SPECC1L: variants seen among roughly 807,000 people sequenced by gnomAD.
SPECC1L encodes cytospin-A.
Under a neutral mutation model 116.8 loss-of-function variants are expected in SPECC1L, and 40 were observed. The observed-to-expected ratio is 0.34, with a 90% confidence interval of 0.27 to 0.45. The LOEUF (loss-of-function observed/expected upper bound fraction) is 0.45. SPECC1L is among the 20% of genes least tolerant of loss of function. SPECC1L has a pLI of 1.00. For missense variants in SPECC1L, 1,110 were observed against 1,373.6 expected (o/e 0.81, Z 3.03); for synonymous variants, 504 against 500.6 (o/e 1.01, Z -0.09).
intron 2 of SPECC1L, among the ~76,000 whole-genome samples, chr22:24,285,111 A>G (rs1383197950): frequency 1.3e-5 from 2 of 152,234 alleles, no homozygotes. Flanking sequence ...CAAAGTTTGT[A>G]GTTGTCTAGA....
rs568701108 is a variant in SPECC1L at position 24,339,684 on chromosome 22, C to T, written c.2652+1207C>T. Among the ~76,000 whole-genome samples the T allele has an allele frequency of 2.6e-5, 4 of 152,312 alleles. No individual in the cohort carries two copies. In the South Asian group the frequency reaches 8.3e-4, roughly 32 times the overall value. ...AAATAATGGTGTTGGGGAGCATTTTCGAGTTGAGACATTTGTGCTGTGTTT... is the reference window on the plus strand; with the variant it reads ...AAATAATGGTGTTGGGGAGCATTTTTGAGTTGAGACATTTGTGCTGTGTTT... On this transcript the variant is annotated intron_variant, in intron 10 of 16. Transcript: ENST00000314328.
rs117949683 is a variant in SPECC1L at position 24,391,359 on chromosome 22, C to A, written c.3088-20229C>A. Reference sequence around the variant, plus strand: ...TTCTGTTTAAACATGATCTTGATAGCTACTATTAACATCTATTTCCAGAAA... The same window carrying A: ...TTCTGTTTAAACATGATCTTGATAGATACTATTAACATCTATTTCCAGAAA... On this transcript the variant is annotated intron_variant, in intron 14 of 16. Coordinates refer to ENST00000314328, the MANE Select transcript of SPECC1L (RefSeq NM_015330.6). Among the ~76,000 whole-genome samples the A allele has an allele frequency of 1.3e-3, 199 of 152,286 alleles. 2 individuals are homozygous for A. The highest frequency in any genetic ancestry group is 2.1e-3 in the Non-Finnish European group (142 of 68,022).
intron 14 of SPECC1L, among the ~76,000 whole-genome samples, chr22:24,375,591 G>T (rs1430257774): frequency 6.6e-6 from 1 of 152,178 alleles, no homozygotes; most frequent in Non-Finnish European, 1.5e-5. Context: ...GTAAAATCCA[G>T]CAGCCATTTA....
intron 6 of SPECC1L, among the ~76,000 whole-genome samples, chr22:24,328,200 CT>C (rs1478194111): frequency 1.3e-5 from 2 of 152,244 alleles, no homozygotes; most frequent in East Asian, 3.9e-4. Flanking sequence ...TGTATCCTCA[CT>C]CTATCTAGAA....
chr22:24,311,377 G>A lies in SPECC1L; in HGVS notation c.154-1936G>A, dbSNP rs145262929. On this transcript the variant is annotated intron_variant, in intron 3 of 16. Transcript: ENST00000314328. ...AAAAGAAGATTGAAAATATAAGAATGTGTTGAGTTTACTTACTGGCTATTT... is the reference window on the plus strand; with the variant it reads ...AAAAGAAGATTGAAAATATAAGAATATGTTGAGTTTACTTACTGGCTATTT... Among the ~76,000 whole-genome samples, 288 of 152,302 alleles carry A rather than the reference G, an allele frequency of 1.9e-3. 3 individuals carry two copies. Among genetic ancestry groups the A allele is most frequent in the African/African-American group, 6.4e-3 (266 of 41,566 alleles).
chr22:24,353,044 T>A (rs186571578), intron 11 of SPECC1L, among the ~76,000 whole-genome samples: 2 of 152,334 alleles, frequency 1.3e-5, no homozygotes, highest in East Asian at 3.9e-4. Context: ...CCTTTTGAAA[T>A]AAGTTTAGAC....
chr22:24,272,129 C>G (rs1284209914), intron 1 of SPECC1L, among the ~76,000 whole-genome samples: 1 of 152,164 alleles, frequency 6.6e-6, no homozygotes, highest in African/African-American at 2.4e-5. Flanking sequence ...GCCTGTAATC[C>G]CAGCACTTTG....
rs62233128 is a variant in SPECC1L at position 24,340,171 on chromosome 22, C to T, written c.2652+1694C>T. The stretch of plus-strand genomic sequence containing the variant: ...TTTTTTTTTTTTTTTTTTTTTGAGA[C>T]GGAGTCTCACTCTGTTGCCCAGGCT... On this transcript the variant is annotated intron_variant, in intron 10 of 16. Transcript: ENST00000314328. Among the ~76,000 whole-genome samples, 914 of 95,458 alleles carry T rather than the reference C, an allele frequency of 9.6e-3. 4 individuals are homozygous for T. The highest frequency in any genetic ancestry group is 0.016 in the South Asian group (43 of 2,734). The allele number at this position is 95,458 out of a possible 152,430, so 62.6% of individuals were successfully genotyped here.
chr22:24,401,371 A>T (rs1369790306), intron 14 of SPECC1L, among the ~76,000 whole-genome samples: 2 of 152,164 alleles, frequency 1.3e-5, no homozygotes, highest in Non-Finnish European at 2.9e-5. Context: ...ATCTGATTCC[A>T]GTTCATGTTT....
rs530222065 is a variant in SPECC1L at position 24,350,745 on chromosome 22, T to G, written c.2743+3569T>G. On this transcript the variant is annotated intron_variant, in intron 11 of 16. Coordinates refer to ENST00000314328, the MANE Select transcript of SPECC1L (RefSeq NM_015330.6). ...CTGCTGCTTGGTAGGTGTGCCCTAG[T>G]TCTGTCAATAGTCAGCCTTTTGACC... Among the ~76,000 whole-genome samples, 19 of 152,308 alleles carry G rather than the reference T, an allele frequency of 1.2e-4. 1 individual carries two copies. The South Asian group carries it at 3.9e-3, about 32-fold the overall frequency.
chr22:24,315,702 C>T (rs1354514597), intron 4 of SPECC1L, among the ~76,000 whole-genome samples: 2 of 152,214 alleles, frequency 1.3e-5, no homozygotes, highest in Non-Finnish European at 2.9e-5. Flanking sequence ...CCCAGTATGG[C>T]TTTGTACGTT....
intron 4 of SPECC1L, among the ~76,000 whole-genome samples, chr22:24,316,676 C>T (rs1168595924): frequency 2.7e-5 from 4 of 148,774 alleles, no homozygotes; most frequent in Admixed American, 6.6e-5. Context: ...CCATGTCTAC[C>T]TCTTTCTACA....
Position 24,415,992 on chromosome 22 carries a change from G to C in SPECC1L, c.*1369G>C, listed in dbSNP as rs1264724941. On this transcript the variant is annotated 3_prime_UTR_variant, in exon 17 of 17. Coordinates refer to ENST00000314328, the MANE Select transcript of SPECC1L (RefSeq NM_015330.6). ...GAGAATATAACTGTGTTTGGCACCT[G>C]CATAGCACCATGAGGAAGACCAGCC... 2 of 152,244 alleles carry C rather than the reference G, an allele frequency of 1.3e-5. No homozygotes were observed. The highest frequency in any genetic ancestry group is 4.8e-5 in the African/African-American group (2 of 41,444). 9.4% of individuals were successfully genotyped at this position (152,244 alleles called of 1,614,324 possible).
intron 2 of SPECC1L, among the ~76,000 whole-genome samples, chr22:24,287,416 G>A (rs2146354985): frequency 6.6e-6 from 1 of 152,276 alleles, no homozygotes; most frequent in South Asian, 2.1e-4. Flanking sequence ...GCGACAGGAG[G>A]CTGCCAGAGT....
At chr22:24,293,156 TAATA>T (rs1240912239) in intron 2 of SPECC1L, among the ~76,000 whole-genome samples, 1 of 152,156 alleles carries the variant, frequency 6.6e-6, no homozygotes, top group African/African-American at 2.4e-5. Flanking sequence ...TAAAATTTCA[TAATA>T]AAACATTAGG....
At chr22:24,336,437 G>A (rs2041058884) in intron 9 of SPECC1L, among the ~76,000 whole-genome samples, 1 of 151,980 alleles carries the variant, frequency 6.6e-6, no homozygotes, top group Non-Finnish European at 1.5e-5. Flanking sequence ...AAGATGAAAG[G>A]AGAACTTTAA....
intron 2 of SPECC1L, among the ~76,000 whole-genome samples, chr22:24,277,348 C>T (rs1047296556): frequency 3.9e-5 from 6 of 152,166 alleles, no homozygotes; most frequent in Admixed American, 2.0e-4. Flanking sequence ...TGCAAATAAG[C>T]GTATATTAAC....
In SPECC1L at chr22:24,324,267, T is replaced by A. The variant is rs772143480; in HGVS notation, c.1986T>A (p.Ile662=). The A allele has an allele frequency of 6.2e-7, 1 of 1,613,896 alleles. No individual in the cohort carries two copies. Among genetic ancestry groups the A allele is most frequent in the South Asian group, 1.1e-5 (1 of 91,080 alleles). Residue 662 remains isoleucine (I), a synonymous_variant, in exon 6 of 17, where the codon ATT becomes ATA. Transcript: ENST00000314328. ...RAFQEEAKKQ[I]EDLNMTLEKL... ...TCCAAGAAGAAGCTAAGAAACAAAT[T>A]GAAGATTTGAATATGACGTTAGAAA...
chr22:24,327,535 TC>T (rs1264931661), intron 6 of SPECC1L, among the ~76,000 whole-genome samples: 1 of 152,072 alleles, frequency 6.6e-6, no homozygotes, highest in East Asian at 1.9e-4. Flanking sequence ...ATGCCTGAAT[TC>T]CTGCTACTAA....
Sources: allele counts gnomAD v4.1 joint callset (sites outside exome capture counted in the v4.1 genomes callset), GRCh38; gene constraint gnomAD v4.1.1; transcripts MANE v1.5; gene names NCBI Gene and HGNC (gene_info 2026-07-23, HGNC 2026-07-21).